UBE3A: variants seen among roughly 807,000 people sequenced by gnomAD.
The protein encoded by UBE3A is ubiquitin protein ligase E3A, also known as ubiquitin-protein ligase E3A.
In UBE3A, 6 loss-of-function variants were observed where a neutral mutation model predicts 83.4. The ratio of observed to expected loss-of-function variants is 0.07; its 90% CI spans 0.04 to 0.14. The LOEUF (loss-of-function observed/expected upper bound fraction) is 0.14, where lower values mean the gene tolerates loss of function less well. Ranked by LOEUF, UBE3A falls within the 10% of genes least tolerant of loss-of-function variation. UBE3A has a pLI of 1.00. For synonymous variants in UBE3A, 337 were observed against 355.4 expected (o/e 0.95, Z 0.58); for missense variants, 456 against 1,036.1 (o/e 0.44, Z 7.69).
At chr15:25,373,215 A>G (rs2080600679) in intron 5 of UBE3A, among the ~76,000 whole-genome samples, 1 of 152,208 alleles carries the variant, frequency 6.6e-6, no homozygotes, top group Admixed American at 6.5e-5. Flanking sequence ...CTTACAAGAC[A>G]ATGCAAAACT....
In UBE3A at chr15:25,334,860, G is replaced by A. The variant is rs1208305353; in HGVS notation, c.*4277C>T. On this transcript the variant is annotated 3_prime_UTR_variant, in exon 13 of 13. Transcript: ENST00000648336. ...GATATACAGATACCAATGCACTTAT[G>A]CAAAAAATGGATGAAATAGGAAACT... The A allele has an allele frequency of 6.6e-6, 1 of 152,092 alleles. No homozygotes were observed. The highest frequency in any genetic ancestry group is 2.4e-5 in the African/African-American group (1 of 41,418). The allele number at this position is 152,092 out of a possible 1,614,324, so 9.4% of individuals were successfully genotyped here.
intron 1 of UBE3A, 82 bp from the exon 2 acceptor site, chr15:25,412,053 C>T (rs1425166306): frequency 6.6e-6 from 1 of 152,068 alleles, no homozygotes; most frequent in African/African-American, 2.4e-5. Flanking sequence ...TAAATTTCAT[C>T]ATAAAGGCAA....
chr15:25,343,664 A>T (rs780558986), intron 11 of UBE3A, among the ~76,000 whole-genome samples: 2 of 152,194 alleles, frequency 1.3e-5, no homozygotes, highest in Non-Finnish European at 2.9e-5. Flanking sequence ...AAAACCTTTC[A>T]TTTGGCAAAA....
intron 4 of UBE3A, among the ~76,000 whole-genome samples, chr15:25,378,717 T>C (rs1203685891): frequency 2.0e-5 from 3 of 152,136 alleles, no homozygotes; most frequent in African/African-American, 2.4e-5. Flanking sequence ...CATTTCAAAA[T>C]AATTATTTTT....
rs143310195 is a variant in UBE3A at position 25,370,946 on chromosome 15, A to G, written c.1228T>C (p.Leu410=). Residue 410 remains leucine, a synonymous_variant, in exon 6 of 13, where the codon TTG becomes CTG. Transcript: ENST00000648336. This position sits in a 1 kb window ranked among gnomAD's most constrained non-coding sequence, Gnocchi z 4.2. ...TTCTTGTTTCTTCTTTCTTCTCCCA[A>G]AAGTTCCTGAAGTGTCAGCTCGCTG... ...ESSELTLQEL[L]GEERRNKKGP... is the part of the protein sequence containing the mutation. The G allele has an allele frequency of 5.6e-6, 9 of 1,613,882 alleles. No homozygotes were observed. The African/African-American group carries it at 9.3e-5, about 17-fold the overall frequency.
chr15:25,373,531 C>G (rs1049668090), intron 5 of UBE3A: 4 of 152,260 alleles, frequency 2.6e-5, no homozygotes, highest in Non-Finnish European at 4.4e-5. Context: ...GGTTGGAATG[C>G]AGTGGCACCA....
At chr15:25,398,167 C>CAAA (rs71127052) in intron 4 of UBE3A, among the ~76,000 whole-genome samples, 1,191 of 99,130 alleles carry the variant, frequency 0.012, 81 homozygotes, top group African/African-American at 0.059. Context: ...GACTCTGTCT[C>CAAA]AAAAAAAAAA....
At chr15:25,341,456 A>T (rs893590149) in intron 11 of UBE3A, among the ~76,000 whole-genome samples, 3 of 151,894 alleles carry the variant, frequency 2.0e-5, no homozygotes, top group Admixed American at 6.6e-5. Context: ...ATGCATTTTA[A>T]TAGTTATTTA....
intron 6 of UBE3A, among the ~76,000 whole-genome samples, chr15:25,361,498 T>C (rs17115502): frequency 0.12 from 18,128 of 152,084 alleles, 1,158 homozygotes; most frequent in Middle Eastern, 0.23. Flanking sequence ...ACCAAATATT[T>C]TTGTGTACCT....
chr15:25,362,909 A>G (rs1192053373), intron 6 of UBE3A, among the ~76,000 whole-genome samples: 1 of 152,156 alleles, frequency 6.6e-6, no homozygotes, highest in African/African-American at 2.4e-5. Flanking sequence ...GGGAAAAAAA[A>G]GGTTATCTGG....
intron 5 of UBE3A, among the ~76,000 whole-genome samples, chr15:25,372,396 G>A (rs549261021): frequency 8.5e-5 from 13 of 152,244 alleles, no homozygotes; most frequent in African/African-American, 2.6e-4. Flanking sequence ...ATTTCTCATC[G>A]GCTCTTAAGT....
intron 1 of UBE3A, among the ~76,000 whole-genome samples, chr15:25,431,515 G>C (rs1264588284): frequency 1.3e-5 from 2 of 152,008 alleles, no homozygotes; most frequent in Non-Finnish European, 2.9e-5. Context: ...GCTAATTTTT[G>C]TATTTTTAGT....
At chr15:25,360,651 A>C in intron 6 of UBE3A, 124 bp from the exon 7 acceptor site, 4 of 1,069,938 alleles carry the variant, frequency 3.7e-6, no homozygotes, top group Non-Finnish European at 5.4e-6. Flanking sequence ...ATGTAAATGG[A>C]AACAGAAAGC....
rs530753759 is a variant in UBE3A, at chr15:25,334,736, G to A, written c.*4401C>T. The A allele has an allele frequency of 2.0e-5, 3 of 152,244 alleles. No individual in the cohort carries two copies. The highest frequency in any genetic ancestry group is 7.2e-5 in the African/African-American group (3 of 41,552). 9.4% of individuals were successfully genotyped at this position (152,244 alleles called of 1,614,324 possible). A position where few individuals can be genotyped will look rare whatever the true frequency, so the allele number is the denominator to read the frequency against. On this transcript the variant is annotated 3_prime_UTR_variant, in exon 13 of 13. Coordinates refer to ENST00000648336, the MANE Select transcript of UBE3A (RefSeq NM_130839.5). The stretch of plus-strand genomic sequence containing the variant: ...GCAATGGAGTAAGACTGAGAATCCA[G>A]AAAGTCTTATATTTATGGTCAACTG...
rs1041852696 is a variant in UBE3A at position 25,338,592 on chromosome 15, C to G, written c.*545G>C. ...CTAGAACAGCAGTAATTGCATCACA[C>G]TGTTTTCAAGACTTCAAGTTTCAAA... On this transcript the variant is annotated 3_prime_UTR_variant, in exon 13 of 13. Coordinates refer to ENST00000648336, the MANE Select transcript of UBE3A (RefSeq NM_130839.5). 1 of 152,036 alleles carries G rather than the reference C, an allele frequency of 6.6e-6. No individual in the cohort carries two copies. The highest frequency in any genetic ancestry group is 1.5e-5 in the Non-Finnish European group (1 of 67,976). The allele number at this position is 152,036 out of a possible 1,614,324, so 9.4% of individuals were successfully genotyped here. A position where few individuals can be genotyped will look rare whatever the true frequency, so the allele number is the denominator to read the frequency against.
In UBE3A at chr15:25,355,771, A is replaced by C. The variant is rs1016382188; in HGVS notation, c.2124+121T>G. 1.1e-5 allele frequency: 11 copies of C among 1,022,954 alleles called. No individual in the cohort carries two copies. The African/African-American group carries it at 1.8e-4, about 17-fold the overall frequency. The allele number at this position is 1,022,954 out of a possible 1,614,324, so 63.4% of individuals were successfully genotyped here. A position where few individuals can be genotyped will look rare whatever the true frequency, so the allele number is the denominator to read the frequency against. On this transcript the variant is annotated intron_variant, in intron 9 of 12. Transcript: ENST00000648336. ...AAAAGTGGACTCTAGCATTTACATA[A>C]ACTTAGTTACTTGTTTTTTTTTTGT...
intron 6 of UBE3A, among the ~76,000 whole-genome samples, chr15:25,368,640 T>C (rs1025418304): frequency 6.6e-6 from 1 of 152,158 alleles, no homozygotes; most frequent in African/African-American, 2.4e-5. Context: ...CTAATTTTGA[T>C]ATAATTAAGC....
chr15:25,399,351 A>T (rs1489097350), intron 4 of UBE3A, among the ~76,000 whole-genome samples: 3 of 151,816 alleles, frequency 2.0e-5, no homozygotes, highest in African/African-American at 7.3e-5. Flanking sequence ...TATATTTAAG[A>T]CCTTAATCCA....
chr15:25,392,281 TATAG>T (rs1300068319), intron 4 of UBE3A, among the ~76,000 whole-genome samples: 1 of 152,156 alleles, frequency 6.6e-6, no homozygotes, highest in South Asian at 2.1e-4. Context: ...TCCTAAGAAA[TATAG>T]ACCTTTTGGA....
Sources: allele counts gnomAD v4.1 joint callset (sites outside exome capture counted in the v4.1 genomes callset), GRCh38; gene constraint gnomAD v4.1.1; non-coding constraint Gnocchi (gnomAD v3.1); transcripts MANE v1.5; gene names NCBI Gene and HGNC (gene_info 2026-07-23, HGNC 2026-07-21).